The following NEB variants were observed in gnomAD, a reference collection of about 807,000 sequenced individuals.
NEB encodes the protein nemaline myopathy type 2.
In NEB, 512 loss-of-function variants were observed where a neutral mutation model predicts 952.2. That is an observed-to-expected ratio of 0.54 (90% confidence interval 0.50 to 0.58). The LOEUF is 0.58. NEB is among the 20% of genes least tolerant of loss of function. The probability of loss-of-function intolerance (pLI) is 0.00; values close to 1 mark genes in which losing one functional copy is unlikely to be tolerated. For synonymous variants in NEB, 2,900 were observed against 3,149.8 expected (o/e 0.92, Z 2.66); for missense variants, 8,428 against 9,231.1 (o/e 0.91, Z 3.56).
In NEB at chr2:151,617,531, T is replaced by C. The variant is rs982447907; in HGVS notation, c.11077-63A>G. ...AAATTATTTTGGTGTTCACAGATAT[T>C]ATTGTTTTGATTATGTGCCAGTCAT... is the stretch of plus-strand genomic sequence containing the variant. On this transcript the variant is annotated intron_variant, in intron 74 of 181. Transcript: ENST00000397345. 8 of 1,106,622 alleles carry C rather than the reference T, an allele frequency of 7.2e-6. No individual in the cohort carries two copies. In the Admixed American group the frequency reaches 1.5e-4, roughly 20 times the overall value. The allele number at this position is 1,106,622 out of a possible 1,614,324, so 68.6% of individuals were successfully genotyped here.
chr2:151,612,695 G>A (rs888038829), intron 77 of NEB, among the ~76,000 whole-genome samples: 6 of 152,172 alleles, frequency 3.9e-5, no homozygotes. Context: ...TCTCTGATTT[G>A]ATGGTCCCTA....
At chr2:151,499,197 A>G (rs1161465817) in intron 169 of NEB, 101 bp downstream of exon 169, 1 of 614,502 alleles carries the variant, frequency 1.6e-6, no homozygotes, top group Non-Finnish European at 2.7e-6. Context: ...AGACAGGTCA[A>G]ATTTTTTATT....
At chr2:151,521,178 T>A (rs752157470) in intron 153 of NEB, among the ~76,000 whole-genome samples, 1 of 152,152 alleles carries the variant, frequency 6.6e-6, no homozygotes, top group South Asian at 2.1e-4. Flanking sequence ...ACTTGACACA[T>A]CCAGCACAAC....
At chr2:151,501,845 G>C in intron 167 of NEB, among the ~76,000 whole-genome samples, 1 of 152,102 alleles carries the variant, frequency 6.6e-6, no homozygotes. Context: ...GAGAGAGAGA[G>C]ACAGGTAGGT....
intron 3 of NEB, among the ~76,000 whole-genome samples, chr2:151,730,702 G>A (rs2099805604): frequency 6.6e-6 from 1 of 151,398 alleles, no homozygotes; most frequent in Non-Finnish European, 1.5e-5. Context: ...GCACTCAAGG[G>A]AAGGGAAAAC....
chr2:151,631,190 A>C lies in NEB; in HGVS notation c.9571T>G (p.Ser3191Ala). 1 of 1,613,910 alleles carries C rather than the reference A, an allele frequency of 6.2e-7. No homozygotes were observed. Among genetic ancestry groups the C allele is most frequent in the African/African-American group, 1.3e-5 (1 of 75,028 alleles). Residue 3191 changes from serine (S) to alanine (A), a missense_variant, in exon 66 of 182, where the codon TCT (serine) becomes GCT (alanine). By Grantham distance (99) the Ser-to-Ala change is moderately conservative. This residue lies in a region of NEB where 1,772 missense variants were observed against 1,960.3 expected (regional missense o/e 0.90). Coordinates refer to ENST00000397345, the MANE Select transcript of NEB (RefSeq NM_001164508.2). ...DKLKFTSVTD[S>A]LEQVLAKNNA... ...TTCTTGGCCAGCACCTGCTCTAGAG[A>C]ATCAGTCACACTGGTAAATTTCAGC...
Position 151,724,314 on chromosome 2 carries a change from A to G in NEB, c.558T>C (p.Pro186=), listed in dbSNP as rs2150731543. 5 of 1,613,266 alleles carry G rather than the reference A, an allele frequency of 3.1e-6. No individual in the cohort carries two copies. Among genetic ancestry groups the G allele is most frequent in the Non-Finnish European group, 3.4e-6 (4 of 1,179,634 alleles). The change falls in exon 8 of 182, where the codon CCT becomes CCC. Residue 186 remains proline, a synonymous_variant. Transcript: ENST00000397345. ...WEDTKDKYLL[P]PDAPELVQAV... ...CCTGGACAAGTTCAGGGGCATCAGG[A>G]GGAAGCAGGTACTTATCCTTGGTGT...
rs775186321 is a variant in NEB at position 151,616,121 on chromosome 2, A to G, written c.11182-12T>C. 1.1e-5 allele frequency: 18 copies of G among 1,573,410 alleles called. No homozygotes were observed. The South Asian group carries it at 1.8e-4, about 16-fold the overall frequency. On this transcript the variant is annotated splice_polypyrimidine_tract_variant and intron_variant, in intron 75 of 181. Transcript: ENST00000397345. The stretch of plus-strand genomic sequence containing the variant: ...AGTTTATAGAGTTTCTGTAGAAAAG[A>G]AAGTCATTACTCATTTACTCCTTCC...
At chr2:151,502,387 T>TA (rs34816284) in intron 167 of NEB, among the ~76,000 whole-genome samples, 3,027 of 145,426 alleles carry the variant, frequency 0.021, 116 homozygotes, top group East Asian at 0.15. Context: ...CATCTAAACA[T>TA]AAAAAAAAAA....
intron 131 of NEB, 103 bp downstream of exon 131, chr2:151,548,205 A>T (rs1369147283): frequency 5.2e-6 from 5 of 952,660 alleles, no homozygotes; most frequent in Non-Finnish European, 8.1e-6. Context: ...TTTTGCTGGT[A>T]TGTAAGTTTA....
At chr2:151,671,741 G>A (rs563318828) in intron 37 of NEB, among the ~76,000 whole-genome samples, 4 of 152,154 alleles carry the variant, frequency 2.6e-5, no homozygotes, top group Non-Finnish European at 4.4e-5. Context: ...CCTAGGCTAT[G>A]CTTGAGCTCA....
In NEB at chr2:151,607,598, T is replaced by C. The variant is rs2097759992; in HGVS notation, c.12545A>G (p.Gln4182Arg). The change falls in exon 83 of 182, where the codon CAG becomes CGG. Residue 4182 changes from glutamine to arginine, a missense_variant. By Grantham distance (43) the Gln-to-Arg change is conservative (BLOSUM62 1). This residue lies in a region of NEB where 14 missense variants were observed against 46.4 expected (regional missense o/e 0.30). Coordinates refer to ENST00000397345, the MANE Select transcript of NEB (RefSeq NM_001164508.2). ...GCTTTTATCTTTATTCCAGGCTTCC[T>C]GATACAGTTTCTGTGGAGAGGAGGG... ...NSLQISEKLYQEAWNKDKSNI... is the reference protein window; with the variant it reads ...NSLQISEKLYREAWNKDKSNI... The C allele has an allele frequency of 1.7e-6, 1 of 600,582 alleles. No individual in the cohort carries two copies. The allele number at this position is 600,582 out of a possible 1,614,324, so 37.2% of individuals were successfully genotyped here.
chr2:151,506,940 C>T lies in NEB; in HGVS notation c.23525G>A (p.Arg7842His), dbSNP rs369514998. ...GAAATTCTTCTGATTTTCTTTTACA[C>T]GCAGTATTTCTGGCGTGTCTTGAAC... ...TVVQDTPEILRVKENQKNFSS... is the reference protein window; with the variant it reads ...TVVQDTPEILHVKENQKNFSS... The change falls in exon 163 of 182, where the codon CGT (arginine) becomes CAT (histidine). Residue 7842 changes from arginine to histidine, a missense_variant. This residue lies in a region of NEB where 3,374 missense variants were observed against 3,651.5 expected (regional missense o/e 0.92). Transcript: ENST00000397345. 2.7e-5 allele frequency: 44 copies of T among 1,610,334 alleles called. No individual in the cohort carries two copies. In the South Asian group the frequency reaches 3.1e-4, roughly 11 times the overall value.
At position 151,706,870 on chromosome 2, in the gene NEB, A is replaced by T. The variant is rs1194174640; in HGVS notation, c.1152+11T>A. 1.9e-6 allele frequency: 3 copies of T among 1,573,982 alleles called. No individual in the cohort carries two copies. The Admixed American group carries it at 5.5e-5, about 29-fold the overall frequency. The stretch of plus-strand genomic sequence containing the variant: ...TAAGGTTTAAAAACACTTTGACAAA[A>T]ATATACTTACGTCACTTAGGGCATC... On this transcript the variant is annotated intron_variant, in intron 13 of 181. Transcript: ENST00000397345.
Position 151,490,455 on chromosome 2 carries a change from C to G in NEB, c.25214G>C (p.Gly8405Ala), listed in dbSNP as rs768811942. 1 of 1,607,214 alleles carries G rather than the reference C, an allele frequency of 6.2e-7. No homozygotes were observed. The change falls in exon 180 of 182, where the codon GGT (glycine) becomes GCT (alanine). Residue 8405 changes from glycine to alanine, a missense_variant. This residue lies in a region of NEB where 3,374 missense variants were observed against 3,651.5 expected (regional missense o/e 0.92). Transcript: ENST00000397345. Reference protein sequence around the residue: ...RSASALSISGGEEKSEHSEAP... With the variant: ...RSASALSISGAEEKSEHSEAP... ...TTCTGAATGCTCAGACTTCTCCTCA[C>G]CCCCACTGATGCTTAGTGCACTGGC... is the stretch of plus-strand genomic sequence containing the variant.
chr2:151,627,254 T>C, intron 69 of NEB, 49 bp from the exon 70 acceptor site: 6 of 1,564,730 alleles, frequency 3.8e-6, no homozygotes, highest in South Asian at 2.4e-5. Context: ...TGTTTTAACA[T>C]GATTTCAAAA....
rs1276351198 is a variant in NEB, at chr2:151,579,519, G to C, written c.16523C>G (p.Ala5508Gly). 1 of 1,465,154 alleles carries C rather than the reference G, an allele frequency of 6.8e-7. No homozygotes were observed. The highest frequency in any genetic ancestry group is 2.3e-5 in the Admixed American group (1 of 44,234). 90.8% of individuals were successfully genotyped at this position (1,465,154 alleles called of 1,614,324 possible). ...KMQNDRLYKK[A>G]YNDHKAKISI... The stretch of plus-strand genomic sequence containing the variant: ...GATCTTGGCTTTGTGGTCGTTGTAG[G>C]CCTTTTTGTACAGCCTGTCATTCTG... The change falls in exon 105 of 182, where the codon GCC becomes GGC. Residue 5508 changes from alanine (A) to glycine (G), a missense_variant. Coordinates refer to ENST00000397345, the MANE Select transcript of NEB (RefSeq NM_001164508.2).
chr2:151,565,437 C>A, intron 116 of NEB, 64 bp downstream of exon 116: 1 of 1,114,142 alleles, frequency 9.0e-7, no homozygotes, highest in Admixed American at 2.0e-5. Flanking sequence ...TTAAGCTAAT[C>A]CACCCAATGA....
At chr2:151,630,620 C>G (rs2098647508) in intron 67 of NEB, 95 bp downstream of exon 67, 2 of 919,894 alleles carry the variant, frequency 2.2e-6, no homozygotes, top group Non-Finnish European at 3.4e-6. Flanking sequence ...AATGAAAGAG[C>G]CACATGCACC....
Sources: allele counts gnomAD v4.1 joint callset (sites outside exome capture counted in the v4.1 genomes callset), GRCh38; gene constraint gnomAD v4.1.1; regional missense constraint gnomAD v4.1.1; transcripts MANE v1.5; gene names NCBI Gene and HGNC (gene_info 2026-07-23, HGNC 2026-07-21).